Variants in ZDHHC7 observed in about 807,000 individuals in gnomAD.
ZDHHC7 encodes the protein zDHHC palmitoyltransferase 7.
In ZDHHC7, 12 loss-of-function variants were observed where a neutral mutation model predicts 34.1. The observed-to-expected ratio is 0.35, with a 90% CI of 0.23 to 0.57. ZDHHC7 has a LOEUF of 0.57. Ranked by LOEUF, ZDHHC7 falls within the 20% of genes least tolerant of loss-of-function variation. The pLI, the probability that ZDHHC7 is intolerant of heterozygous loss-of-function variation, is 0.84. For synonymous variants in ZDHHC7, 185 were observed against 155.4 expected, an observed-to-expected ratio of 1.19 and a Z score of -1.42; for missense variants, 388 against 402.7, an observed-to-expected ratio of 0.96 and a Z score of 0.31.
At chr16:85,017,008 C>T in the ZDHHC7 span, among the ~76,000 whole-genome samples, 3 of 151,270 alleles carry the variant, frequency 2.0e-5, no homozygotes, top group African/African-American at 7.3e-5. Flanking sequence ...ATGGTGTGAT[C>T]TTGGCTCATT....
intron 6 of ZDHHC7, 87 bp downstream of exon 6, chr16:84,977,836 TG>T: frequency 9.5e-7 from 1 of 1,055,354 alleles, no homozygotes; most frequent in Non-Finnish European, 1.4e-6. Context: ...CCTTCAAAAT[TG>T]GAAAACTGGT....
chr16:85,000,784 T>C (rs538317227), intron 1 of ZDHHC7, among the ~76,000 whole-genome samples: 8 of 152,294 alleles, frequency 5.3e-5, no homozygotes, highest in African/African-American at 1.9e-4. Context: ...CTCAAGGATG[T>C]GCAGCCAAAG....
In ZDHHC7 at chr16:85,005,921, T is replaced by C. The variant is rs545180091; in HGVS notation, c.-104+5365A>G. On this transcript the variant is annotated intron_variant, in intron 1 of 7. Coordinates refer to ENST00000313732, the MANE Select transcript of ZDHHC7 (RefSeq NM_017740.3). Reference sequence around the variant, plus strand: ...TCCATTCCTACATGTATGACGACACTTCCCACTTACAGCTCTGATCCTTCT... The same window carrying C: ...TCCATTCCTACATGTATGACGACACCTCCCACTTACAGCTCTGATCCTTCT... 6.6e-5 allele frequency among the ~76,000 whole-genome samples: 10 copies of C among 152,340 alleles called. No homozygotes were observed. The South Asian group carries it at 2.1e-3, about 32-fold the overall frequency.
intron 1 of ZDHHC7, among the ~76,000 whole-genome samples, chr16:84,999,961 T>C (rs1289620738): frequency 3.3e-5 from 5 of 151,702 alleles, no homozygotes; most frequent in East Asian, 1.9e-4. Context: ...CTGGGCAACA[T>C]GGCAAGACCC....
At chr16:84,998,033 G>A (rs1457180407) in intron 1 of ZDHHC7, among the ~76,000 whole-genome samples, 2 of 150,760 alleles carry the variant, frequency 1.3e-5, no homozygotes, top group Non-Finnish European at 3.0e-5. Flanking sequence ...GGCCGAGGCG[G>A]GCGGATCACG....
the ZDHHC7 span, among the ~76,000 whole-genome samples, chr16:85,020,615 A>G: frequency 6.6e-6 from 1 of 152,120 alleles, no homozygotes; most frequent in Non-Finnish European, 1.5e-5. Context: ...GGCAGGTCCT[A>G]CAGTAGAAAG....
chr16:84,980,994 A>G (rs2072360319), intron 4 of ZDHHC7, among the ~76,000 whole-genome samples: 1 of 152,206 alleles, frequency 6.6e-6, no homozygotes, highest in South Asian at 2.1e-4. Flanking sequence ...GTTGGAGGCC[A>G]TCAATGGCTT....
the ZDHHC7 span, among the ~76,000 whole-genome samples, chr16:85,021,926 G>A: frequency 6.6e-6 from 1 of 151,846 alleles, no homozygotes. Flanking sequence ...GGAGGCCGAG[G>A]CGGTTGGATC....
chr16:85,010,561 CT>C (rs1422954059), intron 1 of ZDHHC7, among the ~76,000 whole-genome samples: 6 of 152,254 alleles, frequency 3.9e-5, no homozygotes, highest in Non-Finnish European at 8.8e-5. Context: ...TTGCCCAGCA[CT>C]GTATACAGCC....
chr16:84,998,561 C>T (rs549276786), intron 1 of ZDHHC7, among the ~76,000 whole-genome samples: 3 of 152,200 alleles, frequency 2.0e-5, no homozygotes, highest in East Asian at 3.9e-4. Flanking sequence ...CGAGATGGCT[C>T]GCTGTCTCCC....
intron 1 of ZDHHC7, chr16:85,005,142 T>C (rs527274248): frequency 6.6e-6 from 1 of 152,072 alleles, no homozygotes; most frequent in South Asian, 2.1e-4. Flanking sequence ...AATCCAGAAA[T>C]AAAAAGAACT....
At chr16:85,010,937 T>TA (rs1362557975) in intron 1 of ZDHHC7, among the ~76,000 whole-genome samples, 1 of 152,246 alleles carries the variant, frequency 6.6e-6, no homozygotes, top group Non-Finnish European at 1.5e-5. Context: ...AAAAACTCTT[T>TA]ACAGCTTACA....
chr16:85,013,404 G>A (rs567327574), upstream of ZDHHC7, among the ~76,000 whole-genome samples: 31 of 152,118 alleles, frequency 2.0e-4, no homozygotes, highest in East Asian at 5.8e-4. Context: ...CACCACGTCC[G>A]GCTAATTTTT....
At chr16:85,003,234 G>A (rs542121083) in intron 1 of ZDHHC7, among the ~76,000 whole-genome samples, 2 of 152,278 alleles carry the variant, frequency 1.3e-5, no homozygotes, top group South Asian at 2.1e-4. Context: ...AGGAAGTGAG[G>A]GGCAGGACTG....
chr16:85,021,189 G>A, the ZDHHC7 span, among the ~76,000 whole-genome samples: 19 of 151,992 alleles, frequency 1.3e-4, no homozygotes, highest in African/African-American at 4.1e-4. Flanking sequence ...CGAGGTGGGC[G>A]GATCACAAGG....
At chr16:85,002,109 C>T (rs550584203) in intron 1 of ZDHHC7, among the ~76,000 whole-genome samples, 50 of 152,160 alleles carry the variant, frequency 3.3e-4, no homozygotes, top group African/African-American at 1.2e-3. Context: ...GCTTTATAAC[C>T]CGAAGCATCA....
At chr16:84,985,728 G>C (rs2072427598) in intron 3 of ZDHHC7, among the ~76,000 whole-genome samples, 1 of 152,034 alleles carries the variant, frequency 6.6e-6, no homozygotes, top group South Asian at 2.1e-4. Flanking sequence ...GCCGAGGCAG[G>C]CGGATCACTT....
chr16:84,982,875 G>C (rs948506663), intron 3 of ZDHHC7, among the ~76,000 whole-genome samples: 7 of 152,252 alleles, frequency 4.6e-5, no homozygotes, highest in African/African-American at 1.7e-4. Flanking sequence ...GCTGGTAAGG[G>C]GCAGAGCTGA....
At chr16:85,008,671 A>T (rs2072749524) in intron 1 of ZDHHC7, among the ~76,000 whole-genome samples, 1 of 151,730 alleles carries the variant, frequency 6.6e-6, no homozygotes, top group Non-Finnish European at 1.5e-5. Context: ...GTTAACACTG[A>T]CCCTGGAGAC....
Sources: allele counts gnomAD v4.1 joint callset (sites outside exome capture counted in the v4.1 genomes callset), GRCh38; gene constraint gnomAD v4.1.1; transcripts MANE v1.5; gene names NCBI Gene and HGNC (gene_info 2026-07-23, HGNC 2026-07-21).